Variants in CNTNAP2 observed in about 807,000 individuals in gnomAD.
CNTNAP2 encodes the protein contactin associated protein 2, also known as contactin-associated protein-like 2.
CNTNAP2 carries 98 observed loss-of-function variants against 155.2 expected under a neutral mutation model. The observed-to-expected ratio is 0.63, with a 90% CI of 0.54 to 0.75. The LOEUF (loss-of-function observed/expected upper bound fraction) is 0.75, where lower values mean the gene tolerates loss of function less well. Among genes scored for constraint, CNTNAP2 ranks in the 30% least tolerant of loss-of-function variants. CNTNAP2 has a pLI of 0.00. For synonymous variants in CNTNAP2, 651 were observed against 631.2 expected (o/e 1.03, Z -0.47); for missense variants, 1,727 against 1,688.1 (o/e 1.02, Z -0.40).
chr7:147,641,186 T>G (rs1449555438), intron 13 of CNTNAP2, among the ~76,000 whole-genome samples: 2 of 143,588 alleles, frequency 1.4e-5, no homozygotes, highest in Admixed American at 8.1e-5. Flanking sequence ...AAAAGACCCC[T>G]TTTCCCCTCT....
At chr7:147,020,740 C>T (rs1798804111) in intron 3 of CNTNAP2, among the ~76,000 whole-genome samples, 1 of 152,078 alleles carries the variant, frequency 6.6e-6, no homozygotes, top group Non-Finnish European at 1.5e-5. Flanking sequence ...TTTAAAAATA[C>T]TTTTTAAAAT....
intron 13 of CNTNAP2, among the ~76,000 whole-genome samples, chr7:147,777,180 A>G (rs1797597246): frequency 6.6e-6 from 1 of 152,164 alleles, no homozygotes; most frequent in African/African-American, 2.4e-5. Flanking sequence ...ATGGAGGAGG[A>G]GAAGACAAAA....
intron 12 of CNTNAP2, among the ~76,000 whole-genome samples, chr7:147,590,077 A>G (rs903153357): frequency 1.3e-5 from 2 of 152,186 alleles, no homozygotes; most frequent in African/African-American, 2.4e-5. Context: ...ATAAATTTTC[A>G]CAGTATAAAA....
At chr7:147,732,277 A>G (rs1796756003) in intron 13 of CNTNAP2, among the ~76,000 whole-genome samples, 1 of 146,946 alleles carries the variant, frequency 6.8e-6, no homozygotes, top group African/African-American at 2.5e-5. Flanking sequence ...TATAAATGAG[A>G]ATATGTGGTG....
intron 10 of CNTNAP2, among the ~76,000 whole-genome samples, chr7:147,422,814 C>G (rs1029212112): frequency 6.6e-6 from 1 of 152,100 alleles, no homozygotes; most frequent in Middle Eastern, 3.4e-3. Flanking sequence ...TTTTCAAAAC[C>G]CTTTAAATAC....
chr7:147,255,197 C>T (rs1409008895), intron 8 of CNTNAP2, among the ~76,000 whole-genome samples: 1 of 152,082 alleles, frequency 6.6e-6, no homozygotes, highest in Non-Finnish European at 1.5e-5. Context: ...CAACACCTAT[C>T]AATGCTGTAT....
rs59433735 is a variant in CNTNAP2 at position 148,040,841 on chromosome 7, A to ATTT, written c.2383+62861_2383+62863dup. Among the ~76,000 whole-genome samples, 182 of 149,748 alleles carry ATTT rather than the reference A, an allele frequency of 1.2e-3. 1 individual carries two copies. Among genetic ancestry groups the ATTT allele is most frequent in the East Asian group, 6.7e-3 (34 of 5,060 alleles). ...TAGGTAGGAAATGGAAAGAGAGCAAATTTTTTTTTTTAAGAGGCAGCTGGG... is the reference window on the plus strand; with the variant it reads ...TAGGTAGGAAATGGAAAGAGAGCAAATTTTTTTTTTTTTTAAGAGGCAGCTGGG... On this transcript the variant is annotated intron_variant, in intron 15 of 23. Transcript: ENST00000361727.
intron 15 of CNTNAP2, among the ~76,000 whole-genome samples, chr7:148,108,954 A>AATT (rs1253150789): frequency 6.6e-6 from 1 of 152,176 alleles, no homozygotes; most frequent in East Asian, 1.9e-4. Context: ...GAATTTATAC[A>AATT]ATTATACATT....
chr7:148,043,291 A>T (rs1802711411), intron 15 of CNTNAP2, among the ~76,000 whole-genome samples: 2 of 152,226 alleles, frequency 1.3e-5, no homozygotes, highest in Non-Finnish European at 2.9e-5. Context: ...ATTAACCATT[A>T]TAAAATCATG....
chr7:147,229,766 T>C (rs1803634548), intron 8 of CNTNAP2, among the ~76,000 whole-genome samples: 1 of 152,204 alleles, frequency 6.6e-6, no homozygotes. Context: ...TTTTTATCTT[T>C]TCTCCTGATG....
chr7:148,054,189 T>G (rs554038599), intron 15 of CNTNAP2, among the ~76,000 whole-genome samples: 4 of 152,080 alleles, frequency 2.6e-5, no homozygotes, highest in East Asian at 1.9e-4. Context: ...AGCCAGGATG[T>G]TCTTGATCTC....
At chr7:147,547,805 G>C (rs577613682) in intron 11 of CNTNAP2, among the ~76,000 whole-genome samples, 18 of 151,942 alleles carry the variant, frequency 1.2e-4, no homozygotes, top group Admixed American at 1.1e-3. Flanking sequence ...TCCCCTCTCC[G>C]TGTCCATGTG....
At chr7:146,339,152 T>C (rs11977983) in intron 1 of CNTNAP2, among the ~76,000 whole-genome samples, 18,922 of 152,092 alleles carry the variant, frequency 0.12, 2,240 homozygotes, top group African/African-American at 0.31. Flanking sequence ...TCTCTCTTCT[T>C]CAAACCTGTA....
At chr7:147,381,124 TG>T (rs2116931915) in intron 9 of CNTNAP2, among the ~76,000 whole-genome samples, 1 of 152,274 alleles carries the variant, frequency 6.6e-6, no homozygotes, top group East Asian at 1.9e-4. Flanking sequence ...ATTGAGCAGC[TG>T]CTGGGTGTCA....
At chr7:147,699,617 G>T (rs570389772) in intron 13 of CNTNAP2, among the ~76,000 whole-genome samples, 164 of 143,478 alleles carry the variant, frequency 1.1e-3, no homozygotes, top group African/African-American at 3.9e-3. Flanking sequence ...TAAATAAAAA[G>T]ATGGCTTTAA....
At chr7:147,262,547 G>A (rs1804500120) in intron 8 of CNTNAP2, among the ~76,000 whole-genome samples, 2 of 152,190 alleles carry the variant, frequency 1.3e-5, no homozygotes, top group Admixed American at 6.5e-5. Context: ...GCTCACGCCT[G>A]TAATCTCAGC....
At chr7:146,364,272 A>T (rs1795124720) in intron 1 of CNTNAP2, among the ~76,000 whole-genome samples, 1 of 152,136 alleles carries the variant, frequency 6.6e-6, no homozygotes, top group African/African-American at 2.4e-5. Context: ...AATCAGCCTC[A>T]CTCCAAAGCG....
intron 8 of CNTNAP2, among the ~76,000 whole-genome samples, chr7:147,276,213 C>T (rs1804892139): frequency 7.5e-6 from 1 of 132,606 alleles, no homozygotes; most frequent in Non-Finnish European, 1.6e-5. Flanking sequence ...GGAAAGAATG[C>T]CTCCTCCTTA....
intron 3 of CNTNAP2, among the ~76,000 whole-genome samples, chr7:146,930,548 A>C (rs1222868762): frequency 6.6e-6 from 1 of 152,176 alleles, no homozygotes; most frequent in African/African-American, 2.4e-5. Context: ...CAAAATAACC[A>C]GCTAACATAA....
Sources: gnomAD v4.1 joint callset for allele counts (sites outside exome capture counted in the v4.1 genomes callset) on GRCh38, gnomAD v4.1.1 for gene constraint, MANE v1.5 for transcripts, NCBI Gene and HGNC (gene_info 2026-07-23, HGNC 2026-07-21) for gene names.